The following ASB13 variants were observed in gnomAD, a reference collection of about 807,000 sequenced individuals.
ASB13 encodes the protein ankyrin repeat and SOCS box protein 13.
ASB13 carries 33 observed loss-of-function variants against 28.8 expected under a neutral mutation model. The ratio of observed to expected loss-of-function variants is 1.15; its 90% CI spans 0.87 to 1.53. ASB13 has a LOEUF of 1.53. Among genes scored for constraint, ASB13 ranks in the 40% most tolerant of loss-of-function variants. The pLI is 0.00. For synonymous variants in ASB13, 182 were observed against 172.9 expected, an observed-to-expected ratio of 1.05 and a Z score of -0.41; for missense variants, 414 against 390.1, an observed-to-expected ratio of 1.06 and a Z score of -0.52.
In ASB13 at chr10:5,656,563, C is replaced by G. The variant is rs116092609; in HGVS notation, c.44-3513G>C. 4.3e-3 allele frequency among the ~76,000 whole-genome samples: 656 copies of G among 151,116 alleles called. 6 individuals carry two copies. The highest frequency in any genetic ancestry group is 0.015 in the African/African-American group (624 of 41,282). ...CAAGAAAAAAAAAAAAAGTCTGTAG[C>G]AGTGAAACAGCAAAAGAACTAACAT... On this transcript the variant is annotated intron_variant, in intron 1 of 5. Transcript: ENST00000357700. This position sits in a 1 kb window ranked among gnomAD's most constrained non-coding sequence, Gnocchi z 4.3.
chr10:5,656,387 G>A lies in ASB13; in HGVS notation c.44-3337C>T, dbSNP rs1193010455. On this transcript the variant is annotated intron_variant, in intron 1 of 5. Coordinates refer to ENST00000357700, the MANE Select transcript of ASB13 (RefSeq NM_024701.4). The surrounding 1 kb of genome is among the most constrained non-coding windows in gnomAD (Gnocchi z 4.3). ...ACCCCATCTCTACTAAAAATACAAAGAATTAGCCGGCCGTGGTGGCACGTG... is the reference window on the plus strand; with the variant it reads ...ACCCCATCTCTACTAAAAATACAAAAAATTAGCCGGCCGTGGTGGCACGTG... Among the ~76,000 whole-genome samples the A allele has an allele frequency of 6.6e-6, 1 of 151,974 alleles. No individual in the cohort carries two copies. Among genetic ancestry groups the A allele is most frequent in the Non-Finnish European group, 1.5e-5 (1 of 67,970 alleles).
In ASB13 at chr10:5,655,385, G is replaced by C. The variant is rs970105704; in HGVS notation, c.44-2335C>G. ...TGATAACAATAGTTTCTCTTCATAGGTGGACTATGAACATTCAGTGAATTG... is the reference window on the plus strand; with the variant it reads ...TGATAACAATAGTTTCTCTTCATAGCTGGACTATGAACATTCAGTGAATTG... On this transcript the variant is annotated intron_variant, in intron 1 of 5. Coordinates refer to ENST00000357700, the MANE Select transcript of ASB13 (RefSeq NM_024701.4). This position sits in a 1 kb window ranked among gnomAD's most constrained non-coding sequence, Gnocchi z 6.2. Among the ~76,000 whole-genome samples the C allele has an allele frequency of 1.3e-5, 2 of 152,228 alleles. No individual in the cohort carries two copies. Among genetic ancestry groups the C allele is most frequent in the Non-Finnish European group, 2.9e-5 (2 of 68,044 alleles).
At position 5,645,164 on chromosome 10, in the gene ASB13, G is replaced by A. The variant is rs778700855; in HGVS notation, c.518-3203C>T. On this transcript the variant is annotated intron_variant, in intron 4 of 5. Transcript: ENST00000357700. The surrounding 1 kb of genome is among the most constrained non-coding windows in gnomAD (Gnocchi z 5.4). ...CGTGACGGGACCGCCTAAGACCTTA[G>A]CACGCCAAGACTGGCACAATCCTGG... Among the ~76,000 whole-genome samples, 1 of 151,818 alleles carries A rather than the reference G, an allele frequency of 6.6e-6. No homozygotes were observed. Among genetic ancestry groups the A allele is most frequent in the Non-Finnish European group, 1.5e-5 (1 of 68,006 alleles).
At chr10:5,666,418 C>T (rs1022727538) in intron 1 of ASB13, 91 bp downstream of exon 1, 2 of 1,137,650 alleles carry the variant, frequency 1.8e-6, no homozygotes, top group South Asian at 3.1e-5. Flanking sequence ...GGGCGCGCCA[C>T]CACCTCCCCG....
rs1834871732 is a variant in ASB13, at chr10:5,645,532, G to C, written c.517+3438C>G. On this transcript the variant is annotated intron_variant, in intron 4 of 5. Transcript: ENST00000357700. This position sits in a 1 kb window ranked among gnomAD's most constrained non-coding sequence, Gnocchi z 5.4. ...TCGCCTCACTGCCTACAAAGAACAAGAACAACGGTCTCCACGTCCCCCGTG... is the reference window on the plus strand; with the variant it reads ...TCGCCTCACTGCCTACAAAGAACAACAACAACGGTCTCCACGTCCCCCGTG... 6.6e-6 allele frequency among the ~76,000 whole-genome samples: 1 copy of C among 152,144 alleles called. No homozygotes were observed. Among genetic ancestry groups the C allele is most frequent in the African/African-American group, 2.4e-5 (1 of 41,408 alleles).
In ASB13 at chr10:5,648,978, A is replaced by G; in HGVS notation, c.509T>C (p.Leu170Pro). 1 of 1,614,216 alleles carries G rather than the reference A, an allele frequency of 6.2e-7. No individual in the cohort carries two copies. The highest frequency in any genetic ancestry group is 8.5e-7 in the Non-Finnish European group (1 of 1,180,030). ...REHLDCVKVL[L>P]NAGANVNAAK... ...GGCAAACACCCACTCACCTGCATTGAGCAGCACTTTGACACAGTCCAGATG... is the reference window on the plus strand; with the variant it reads ...GGCAAACACCCACTCACCTGCATTGGGCAGCACTTTGACACAGTCCAGATG... Residue 170 changes from leucine (L) to proline (P), a missense_variant, in exon 4 of 6, where the codon CTC becomes CCC. Leu to Pro is a moderately conservative substitution (Grantham distance 98, BLOSUM62 -3). Coordinates refer to ENST00000357700, the MANE Select transcript of ASB13 (RefSeq NM_024701.4).
At chr10:5,654,991 A>G (rs1192742464) in intron 1 of ASB13, among the ~76,000 whole-genome samples, 1 of 152,008 alleles carries the variant, frequency 6.6e-6, no homozygotes, top group Non-Finnish European at 1.5e-5. Flanking sequence ...AATCCCCGCC[A>G]CTTGGGAGGC....
At chr10:5,653,073 G>T in intron 1 of ASB13, 23 bp from the exon 2 acceptor site, 1 of 1,520,162 alleles carries the variant, frequency 6.6e-7, no homozygotes, top group Non-Finnish European at 8.9e-7. Context: ...GGGACCTCAG[G>T]CTAAGACCCT....
chr10:5,662,773 C>A (rs936340276), intron 1 of ASB13, among the ~76,000 whole-genome samples: 11 of 152,004 alleles, frequency 7.2e-5, no homozygotes, highest in African/African-American at 2.4e-4. Flanking sequence ...ACAAAGAGAC[C>A]ACAGAGGAAA....
rs1835204795 is a variant in ASB13 at position 5,663,303 on chromosome 10, G to A, written c.43+3206C>T. Among the ~76,000 whole-genome samples, 2 of 152,206 alleles carry A rather than the reference G, an allele frequency of 1.3e-5. No homozygotes were observed. The highest frequency in any genetic ancestry group is 4.1e-4 in the South Asian group (2 of 4,828). On this transcript the variant is annotated intron_variant, in intron 1 of 5. Transcript: ENST00000357700. This position sits in a 1 kb window ranked among gnomAD's most constrained non-coding sequence, Gnocchi z 4.9. ...GGACCGAAGGTGTCAGGAGAGCTTG[G>A]TGAATAACAGGCATTTCCTTCCACC... is the stretch of plus-strand genomic sequence containing the variant.
chr10:5,659,357 A>G lies in ASB13; in HGVS notation c.44-6307T>C, dbSNP rs1468567295. Among the ~76,000 whole-genome samples, 1 of 152,166 alleles carries G rather than the reference A, an allele frequency of 6.6e-6. No individual in the cohort carries two copies. Among genetic ancestry groups the G allele is most frequent in the Non-Finnish European group, 1.5e-5 (1 of 68,022 alleles). On this transcript the variant is annotated intron_variant, in intron 1 of 5. Transcript: ENST00000357700. The surrounding 1 kb of genome is among the most constrained non-coding windows in gnomAD (Gnocchi z 5.8). Reference sequence around the variant, plus strand: ...CAGATGATTGACAAGCCAGTCTGACAGGGCCTGCTCACAAGGGCTCCCTCC... The same window carrying G: ...CAGATGATTGACAAGCCAGTCTGACGGGGCCTGCTCACAAGGGCTCCCTCC...
chr10:5,640,480 A>T lies in ASB13; in HGVS notation c.*223T>A. The T allele has an allele frequency of 5.4e-6, 3 of 557,092 alleles. No homozygotes were observed. The highest frequency in any genetic ancestry group is 9.5e-6 in the Non-Finnish European group (3 of 316,418). 34.5% of individuals were successfully genotyped at this position (557,092 alleles called of 1,614,324 possible). ...GAGGGTAGGTTCTGTAGAACAGCGC[A>T]GGGCCACACCCACAACTGTGACCTG... On this transcript the variant is annotated 3_prime_UTR_variant, in exon 6 of 6. Transcript: ENST00000357700.
At position 5,660,140 on chromosome 10, in the gene ASB13, T is replaced by C. The variant is rs953611935; in HGVS notation, c.43+6369A>G. ...CCTGCCGCCTGCAGGCCTGAGCTCA[T>C]GAATAGCCAAGCAAAAGCCTTTGCC... On this transcript the variant is annotated intron_variant, in intron 1 of 5. Transcript: ENST00000357700. The surrounding 1 kb of genome is among the most constrained non-coding windows in gnomAD (Gnocchi z 6.1). 1.3e-5 allele frequency among the ~76,000 whole-genome samples: 2 copies of C among 152,174 alleles called. No homozygotes were observed. Among genetic ancestry groups the C allele is most frequent in the Non-Finnish European group, 2.9e-5 (2 of 68,022 alleles).
At chr10:5,662,598 G>GAAGAGAAGAGAAGAGAAGAA (rs1835191833) in intron 1 of ASB13, among the ~76,000 whole-genome samples, 11 of 145,464 alleles carry the variant, frequency 7.6e-5, no homozygotes, top group South Asian at 2.3e-4. Flanking sequence ...GAAGAGAAGA[G>GAAGAGAAGAGAAGAGAAGAA]AAGAGAAGAG....
chr10:5,644,998 G>A lies in ASB13; in HGVS notation c.518-3037C>T, dbSNP rs1397382898. 6.6e-6 allele frequency among the ~76,000 whole-genome samples: 1 copy of A among 152,102 alleles called. No individual in the cohort carries two copies. Among genetic ancestry groups the A allele is most frequent in the Non-Finnish European group, 1.5e-5 (1 of 68,022 alleles). Reference sequence around the variant, plus strand: ...ACAGAGACAGAGAGAGACAAAGACAGGGAGCCAGGAAACAAGCAGGGAATT... The same window carrying A: ...ACAGAGACAGAGAGAGACAAAGACAAGGAGCCAGGAAACAAGCAGGGAATT... On this transcript the variant is annotated intron_variant, in intron 4 of 5. Transcript: ENST00000357700. This position sits in a 1 kb window ranked among gnomAD's most constrained non-coding sequence, Gnocchi z 5.1.
At chr10:5,662,535 G>GGAGA (rs200508956) in intron 1 of ASB13, among the ~76,000 whole-genome samples, 2 of 57,574 alleles carry the variant, frequency 3.5e-5, no homozygotes, top group East Asian at 3.6e-4. Context: ...GTCGAGAAGG[G>GGAGA]GGGGGGAGGG....
At position 5,659,126 on chromosome 10, in the gene ASB13, T is replaced by C. The variant is rs887305592; in HGVS notation, c.44-6076A>G. On this transcript the variant is annotated intron_variant, in intron 1 of 5. Transcript: ENST00000357700. The surrounding 1 kb of genome is among the most constrained non-coding windows in gnomAD (Gnocchi z 5.8). ...TAGTGAATGGACTGGCCAGGATGGA[T>C]TGCAGGCTGCTTCCAGCCCCTGTGC... 2.0e-5 allele frequency among the ~76,000 whole-genome samples: 3 copies of C among 152,152 alleles called. No individual in the cohort carries two copies. The highest frequency in any genetic ancestry group is 4.4e-5 in the Non-Finnish European group (3 of 68,016).
In ASB13 at chr10:5,666,553, C is replaced by T. The variant is rs1426019595; in HGVS notation, c.-2G>A. On this transcript the variant is annotated 5_prime_UTR_variant, in exon 1 of 6. Coordinates refer to ENST00000357700, the MANE Select transcript of ASB13 (RefSeq NM_024701.4). ...GCCGTCCGCCGCCCGGGGCTCCATG[C>T]GGCTCACCGGCGGCCGCGCGGCGAC... 7 of 1,174,122 alleles carry T rather than the reference C, an allele frequency of 6.0e-6. No individual in the cohort carries two copies. The highest frequency in any genetic ancestry group is 4.9e-5 in the African/African-American group (3 of 61,712). The allele number at this position is 1,174,122 out of a possible 1,614,324, so 72.7% of individuals were successfully genotyped here.
chr10:5,651,260 T>C lies in ASB13; in HGVS notation c.335A>G (p.Asn112Ser), dbSNP rs759497627. 5.6e-6 allele frequency: 9 copies of C among 1,613,490 alleles called. 2 individuals carry two copies. In the East Asian group the frequency reaches 1.1e-4, roughly 20 times the overall value. The change falls in exon 3 of 6, where the codon AAC becomes AGC. Residue 112 changes from asparagine (N) to serine (S), a missense_variant. Asn to Ser is a conservative substitution (Grantham distance 46). Transcript: ENST00000357700. The surrounding 1 kb of genome is among the most constrained non-coding windows in gnomAD (Gnocchi z 5.1). ...GGGGGACGCTGTGTACAGGGGAGGG[T>C]TGACCTTGGCCCCGTAGGACAGCAA... ...KLLLSYGAKV[N>S]PPLYTASPLH...
Sources: allele counts gnomAD v4.1 joint callset (sites outside exome capture counted in the v4.1 genomes callset), GRCh38; gene constraint gnomAD v4.1.1; non-coding constraint Gnocchi (gnomAD v3.1); transcripts MANE v1.5; gene names NCBI Gene and HGNC (gene_info 2026-07-23, HGNC 2026-07-21).